MYO5A: variants seen among roughly 807,000 people sequenced by gnomAD.
MYO5A encodes the protein myosin VA, also known as unconventional myosin-Va.
A neutral mutation model predicts 249.7 loss-of-function variants in MYO5A; 98 were observed. That is an observed-to-expected ratio of 0.39 (90% confidence interval 0.33 to 0.46). MYO5A has a LOEUF of 0.46. Among genes scored for constraint, MYO5A ranks in the 20% least tolerant of loss-of-function variants. The probability of loss-of-function intolerance (pLI) is 0.98; values close to 1 mark genes in which losing one functional copy is unlikely to be tolerated. For synonymous variants in MYO5A, 778 were observed against 810.6 expected, an observed-to-expected ratio of 0.96 and a Z score of 0.68; for missense variants, 1,696 against 2,308.8, an observed-to-expected ratio of 0.73 and a Z score of 5.44.
intron 34 of MYO5A, among the ~76,000 whole-genome samples, chr15:52,334,112 A>G (rs1241462455): frequency 1.3e-5 from 2 of 152,256 alleles, no homozygotes; most frequent in Non-Finnish European, 2.9e-5. Flanking sequence ...AGTTTAAATG[A>G]TGAGGTTGAT....
chr15:52,516,189 T>A (rs1486633654), intron 1 of MYO5A, among the ~76,000 whole-genome samples: 4 of 152,174 alleles, frequency 2.6e-5, no homozygotes, highest in East Asian at 3.8e-4. Context: ...TATCTAGGTG[T>A]GGATTCCATG....
At chr15:52,323,543 C>T in intron 36 of MYO5A, 99 bp from the exon 37 acceptor site, 1 of 796,100 alleles carries the variant, frequency 1.3e-6, no homozygotes, top group South Asian at 1.5e-5. Flanking sequence ...TTTCAGTTAC[C>T]ATTATAAACA....
At chr15:52,316,640 A>T (rs1422982692) in intron 40 of MYO5A, among the ~76,000 whole-genome samples, 2 of 152,240 alleles carry the variant, frequency 1.3e-5, no homozygotes, top group Non-Finnish European at 2.9e-5. Context: ...AGTAACAAGA[A>T]TTATCTGTCT....
intron 37 of MYO5A, 61 bp downstream of exon 37, chr15:52,323,294 T>G (rs921154849): frequency 6.8e-7 from 1 of 1,467,650 alleles, no homozygotes; most frequent in East Asian, 2.3e-5. Flanking sequence ...CTTTTACATT[T>G]TTTCCTTAAA....
chr15:52,425,496 A>G (rs1317064139), intron 4 of MYO5A, among the ~76,000 whole-genome samples: 1 of 152,102 alleles, frequency 6.6e-6, no homozygotes, highest in East Asian at 1.9e-4. Context: ...AGTAGCTGGG[A>G]TTACAAGTGC....
At chr15:52,393,000 C>A (rs2042317467) in intron 11 of MYO5A, among the ~76,000 whole-genome samples, 1 of 152,132 alleles carries the variant, frequency 6.6e-6, no homozygotes, top group Non-Finnish European at 1.5e-5. Flanking sequence ...TGAATGGCAG[C>A]CAAGCTAGTC....
upstream of MYO5A, chr15:52,528,967 C>T (rs1004622491): frequency 4.0e-4 from 172 of 434,816 alleles, 1 homozygote; most frequent in Middle Eastern, 1.0e-3. Flanking sequence ...GGCGGGGCGC[C>T]TCAGGCGCTG....
chr15:52,369,095 A>G (rs2040965182), intron 22 of MYO5A, among the ~76,000 whole-genome samples: 1 of 152,216 alleles, frequency 6.6e-6, no homozygotes, highest in Non-Finnish European at 1.5e-5. Context: ...TGCTGTTTCT[A>G]TATATAGAGT....
In MYO5A at chr15:52,353,918, C is replaced by T. The variant is rs763615724; in HGVS notation, c.3520G>A (p.Asp1174Asn). 92 of 1,614,136 alleles carry T rather than the reference C, an allele frequency of 5.7e-5. No individual in the cohort carries two copies. In the Middle Eastern group the frequency reaches 8.2e-4, roughly 14 times the overall value. ...TGCTCCTCCTTGCGGTCCAGCTCAT[C>T]CTGCATCACCTGCTTCTCCTGCTCC... ...ELEQEKQVMQ[D>N]ELDRKEEQVL... is the part of the protein sequence containing the mutation. Residue 1174 changes from aspartate (D) to asparagine (N), a missense_variant, in exon 26 of 42, where the codon GAT becomes AAT. By Grantham distance (23) the Asp-to-Asn change is conservative (BLOSUM62 1). Around this residue, in one of 5 missense-constraint regions of MYO5A, gnomAD observed 625 missense variants for 908.1 expected, o/e 0.69. Transcript: ENST00000399233.
At chr15:52,452,985 G>A (rs1356079088) in intron 1 of MYO5A, among the ~76,000 whole-genome samples, 2 of 152,068 alleles carry the variant, frequency 1.3e-5, no homozygotes, top group African/African-American at 2.4e-5. Context: ...GATTAAGAAT[G>A]AGGGAAAGAA....
Position 52,387,856 on chromosome 15 carries a change from T to C in MYO5A, c.1725A>G (p.Glu575=). 6.2e-7 allele frequency: 1 copy of C among 1,611,666 alleles called. No homozygotes were observed. The highest frequency in any genetic ancestry group is 8.5e-7 in the Non-Finnish European group (1 of 1,178,190). ...LEKNKDTVFE[E]QIKVLKSSKF... ...TGCTTGATTTAAGAACTTTAATTTGTTCTTCAAAAACGGTGTCTTTATTCT... is the reference window on the plus strand; with the variant it reads ...TGCTTGATTTAAGAACTTTAATTTGCTCTTCAAAAACGGTGTCTTTATTCT... The change falls in exon 14 of 42, where the codon GAA becomes GAG. Residue 575 remains glutamate (E), a synonymous_variant. Transcript: ENST00000399233.
At chr15:52,444,510 C>T (rs1172798368) in intron 1 of MYO5A, among the ~76,000 whole-genome samples, 1 of 152,046 alleles carries the variant, frequency 6.6e-6, no homozygotes, top group Non-Finnish European at 1.5e-5. Context: ...AGATAACTTG[C>T]CCCAAAGTCA....
At chr15:52,331,526 T>G (rs2038884858) in intron 34 of MYO5A, among the ~76,000 whole-genome samples, 2 of 152,194 alleles carry the variant, frequency 1.3e-5, no homozygotes, top group Non-Finnish European at 2.9e-5. Context: ...AAGTTTGAGT[T>G]CTGAGATTGC....
At chr15:52,523,756 C>T (rs1174352715) in intron 1 of MYO5A, among the ~76,000 whole-genome samples, 4 of 152,088 alleles carry the variant, frequency 2.6e-5, no homozygotes, top group African/African-American at 7.2e-5. Context: ...AACAGCAAGT[C>T]GTTAACAGGC....
Position 52,416,283 on chromosome 15 carries a change from G to A in MYO5A, c.474C>T (p.Ser158=). 6.2e-7 allele frequency: 1 copy of A among 1,613,848 alleles called. No individual in the cohort carries two copies. The highest frequency in any genetic ancestry group is 8.5e-7 in the Non-Finnish European group (1 of 1,179,930). The change falls in exon 5 of 42, where the codon TCC becomes TCT. Residue 158 remains serine, a synonymous_variant. Transcript: ENST00000399233. ...KQMARDERNQ[S]IIVSGESGAG... ...CCCCAGACTCTCCACTTACGATGAT[G>A]GACTGATTTCGTTCATCTCTGTAAA...
chr15:52,379,990 T>C, intron 16 of MYO5A, 82 bp from the exon 17 acceptor site: 4 of 1,437,148 alleles, frequency 2.8e-6, no homozygotes, highest in Non-Finnish European at 2.0e-6. Flanking sequence ...AGGGTGTAAA[T>C]TCTTTCGTAA....
At chr15:52,405,080 C>G (rs1035015057) in intron 9 of MYO5A, among the ~76,000 whole-genome samples, 1 of 151,134 alleles carries the variant, frequency 6.6e-6, no homozygotes. Context: ...CACACACACA[C>G]ACACACACAA....
chr15:52,316,027 G>T (rs182716014), intron 40 of MYO5A, among the ~76,000 whole-genome samples: 81 of 151,886 alleles, frequency 5.3e-4, no homozygotes, highest in Middle Eastern at 3.4e-3. Context: ...GAGGTCAGGA[G>T]ATCGAGACCA....
chr15:52,416,602 G>A (rs891897650), intron 4 of MYO5A, among the ~76,000 whole-genome samples: 10 of 152,014 alleles, frequency 6.6e-5, no homozygotes, highest in African/African-American at 9.7e-5. Context: ...TGAACAAAGC[G>A]TTAAGTTACC....
Sources: allele counts gnomAD v4.1 joint callset (sites outside exome capture counted in the v4.1 genomes callset), GRCh38; gene constraint gnomAD v4.1.1; regional missense constraint gnomAD v4.1.1; transcripts MANE v1.5; gene names NCBI Gene and HGNC (gene_info 2026-07-23, HGNC 2026-07-21).